The following PID1 variants were observed in gnomAD, a reference collection of about 807,000 sequenced individuals.
PID1 encodes phosphotyrosine interaction domain containing 1, also known as PTB-containing, cubilin and LRP1-interacting protein.
In PID1, 10 loss-of-function variants were observed where a neutral mutation model predicts 19.1. That is an observed-to-expected ratio of 0.52 (90% CI 0.32 to 0.89). The LOEUF (loss-of-function observed/expected upper bound fraction) is 0.89, where lower values mean the gene tolerates loss of function less well. Among genes scored for constraint, PID1 ranks in the 40% least tolerant of loss-of-function variants. The pLI, the probability that PID1 is intolerant of heterozygous loss-of-function variation, is 0.03. For synonymous variants in PID1, 130 were observed against 116.0 expected (o/e 1.12, Z -0.78); for missense variants, 248 against 285.3 (o/e 0.87, Z 0.94).
At chr2:229,090,193 CT>C (rs1307971468) in intron 2 of PID1, among the ~76,000 whole-genome samples, 1 of 152,054 alleles carries the variant, frequency 6.6e-6, no homozygotes, top group Non-Finnish European at 1.5e-5. Context: ...CTAAGGTATT[CT>C]TTTTTGTTAT....
chr2:229,219,983 T>C (rs1559290755), intron 1 of PID1, among the ~76,000 whole-genome samples: 1 of 152,054 alleles, frequency 6.6e-6, no homozygotes, highest in Non-Finnish European at 1.5e-5. Flanking sequence ...TGTGATCGAC[T>C]GTAAATTCCA....
In PID1 at chr2:229,046,347, AGTGT is replaced by A. The variant is rs35091766; in HGVS notation, c.178-20243_178-20240del. On this transcript the variant is annotated intron_variant, in intron 2 of 2. Coordinates refer to ENST00000392055, the MANE Select transcript of PID1 (RefSeq NM_001100818.2). Reference sequence around the variant, plus strand: ...AACTTCAGCATCCCTAAATTAGGAAAGTGTGTGTGTGTGTGTGTGTGTGTGTGTG... The same window carrying A: ...AACTTCAGCATCCCTAAATTAGGAAAGTGTGTGTGTGTGTGTGTGTGTGTG... Among the ~76,000 whole-genome samples the A allele has an allele frequency of 6.4e-3, 904 of 141,334 alleles. 3 individuals carry two copies. The highest frequency in any genetic ancestry group is 0.013 in the Admixed American group (188 of 14,168). The allele number at this position is 141,334 out of a possible 152,430, so 92.7% of individuals were successfully genotyped here.
chr2:229,106,147 T>C (rs1023241674), intron 2 of PID1, among the ~76,000 whole-genome samples: 2 of 150,304 alleles, frequency 1.3e-5, no homozygotes, highest in Non-Finnish European at 3.0e-5. Context: ...AGAAAATATA[T>C]TATAAATGAA....
intron 2 of PID1, among the ~76,000 whole-genome samples, chr2:229,089,473 G>A (rs1694828639): frequency 6.6e-6 from 1 of 152,122 alleles, no homozygotes; most frequent in Non-Finnish European, 1.5e-5. Flanking sequence ...GAATAACCTT[G>A]ATCCCTAGAC....
intron 2 of PID1, among the ~76,000 whole-genome samples, chr2:229,060,574 T>C (rs941487749): frequency 6.6e-6 from 1 of 152,168 alleles, no homozygotes; most frequent in Non-Finnish European, 1.5e-5. Flanking sequence ...AATGCTGCAA[T>C]GAACATGAGA....
At chr2:229,056,486 C>A (rs1483732527) in intron 2 of PID1, among the ~76,000 whole-genome samples, 2 of 152,028 alleles carry the variant, frequency 1.3e-5, no homozygotes, top group African/African-American at 4.8e-5. Context: ...GGAAACTAAA[C>A]CCTAACATGC....
At chr2:229,065,712 C>CAAAAAAAAAAA (rs71988256) in intron 2 of PID1, among the ~76,000 whole-genome samples, 1 of 103,962 alleles carries the variant, frequency 9.6e-6, no homozygotes, top group African/African-American at 4.0e-5. Context: ...TTGTGATTTA[C>CAAAAAAAAAAA]AAAAAAAAAA....
chr2:229,214,272 T>A (rs1238317578), intron 1 of PID1, among the ~76,000 whole-genome samples: 2 of 114,598 alleles, frequency 1.7e-5, no homozygotes, highest in Non-Finnish European at 4.1e-5. Flanking sequence ...TAAACTCAAG[T>A]CATCTTACTT....
intron 2 of PID1, among the ~76,000 whole-genome samples, chr2:229,114,107 C>T (rs1463028089): frequency 1.5e-5 from 1 of 67,852 alleles, no homozygotes; most frequent in Non-Finnish European, 2.9e-5. Context: ...CAGCATCTCT[C>T]TCTCTTTCTC....
chr2:229,058,427 A>T (rs1694146330), intron 2 of PID1, among the ~76,000 whole-genome samples: 1 of 152,318 alleles, frequency 6.6e-6, no homozygotes, highest in African/African-American at 2.4e-5. Flanking sequence ...GATGCTGGTT[A>T]CACCTAGAGT....
At chr2:229,058,348 T>C (rs2106190557) in intron 2 of PID1, among the ~76,000 whole-genome samples, 1 of 152,330 alleles carries the variant, frequency 6.6e-6, no homozygotes, top group East Asian at 1.9e-4. Context: ...ATGGTCTTCC[T>C]CTGTTTGTTT....
intron 2 of PID1, among the ~76,000 whole-genome samples, chr2:229,151,413 G>C (rs1182038099): frequency 6.6e-6 from 1 of 151,982 alleles, no homozygotes; most frequent in African/African-American, 2.4e-5. Context: ...TGTGAAATGG[G>C]GCTACACCTG....
At chr2:229,194,972 T>A (rs977761825) in intron 1 of PID1, among the ~76,000 whole-genome samples, 1 of 151,916 alleles carries the variant, frequency 6.6e-6, no homozygotes, top group African/African-American at 2.4e-5. Flanking sequence ...CAGTTTAATA[T>A]ATCTTTGCGG....
chr2:229,180,968 G>A (rs1309877683), intron 1 of PID1, among the ~76,000 whole-genome samples: 2 of 152,206 alleles, frequency 1.3e-5, no homozygotes, highest in African/African-American at 4.8e-5. Context: ...CCCCTCTCTC[G>A]GGGCGAACCC....
chr2:229,243,609 T>C (rs16825898), intron 1 of PID1, among the ~76,000 whole-genome samples: 55 of 152,040 alleles, frequency 3.6e-4, no homozygotes, highest in Non-Finnish European at 7.2e-4. Context: ...TTTAAAAAAA[T>C]TTTCTGTAGC....
At chr2:229,210,996 A>G (rs575499773) in intron 1 of PID1, among the ~76,000 whole-genome samples, 8 of 152,224 alleles carry the variant, frequency 5.3e-5, no homozygotes, top group Non-Finnish European at 1.2e-4. Context: ...AACTGCATCG[A>G]CTACTAGTTT....
intron 2 of PID1, among the ~76,000 whole-genome samples, 190 bp from the exon 3 acceptor site, chr2:229,026,298 C>G (rs143101840): frequency 6.6e-6 from 1 of 152,180 alleles, no homozygotes; most frequent in Non-Finnish European, 1.5e-5. Flanking sequence ...GCCTACTTGG[C>G]AAATGTATTG....
chr2:229,126,145 G>C (rs900178566), intron 2 of PID1, among the ~76,000 whole-genome samples: 5 of 152,126 alleles, frequency 3.3e-5, no homozygotes, highest in African/African-American at 9.7e-5. Flanking sequence ...AGATGCAACA[G>C]TAAATGCCTC....
intron 1 of PID1, among the ~76,000 whole-genome samples, chr2:229,240,653 A>G (rs1180552759): frequency 6.6e-6 from 1 of 152,088 alleles, no homozygotes. Flanking sequence ...TTTGACTTTC[A>G]GCATTTTGAC....
Sources: allele counts gnomAD v4.1 joint callset (sites outside exome capture counted in the v4.1 genomes callset), GRCh38; gene constraint gnomAD v4.1.1; transcripts MANE v1.5; gene names NCBI Gene and HGNC (gene_info 2026-07-23, HGNC 2026-07-21).